ASB3: variants seen among roughly 807,000 people sequenced by gnomAD.
ASB3 encodes ankyrin repeat and SOCS box protein 3.
In ASB3, 41 loss-of-function variants were observed where a neutral mutation model predicts 54.5. The observed-to-expected ratio is 0.75, with a 90% confidence interval of 0.59 to 0.98. The LOEUF is 0.98. Ranked by LOEUF, ASB3 falls within the 50% of genes least tolerant of loss-of-function variation. ASB3 has a pLI of 0.00. For missense variants in ASB3, 733 were observed against 620.0 expected (o/e 1.18, Z -1.94); for synonymous variants, 266 against 221.2 (o/e 1.20, Z -1.80).
chr2:53,692,468 T>A (rs1347139877), intron 9 of ASB3, among the ~76,000 whole-genome samples: 1 of 152,112 alleles, frequency 6.6e-6, no homozygotes, highest in East Asian at 1.9e-4. Flanking sequence ...GAGAAAGGTT[T>A]TCTTGAATCT....
chr2:53,695,039 GA>G (rs537051150), intron 8 of ASB3, among the ~76,000 whole-genome samples: 1 of 151,740 alleles, frequency 6.6e-6, no homozygotes, highest in South Asian at 2.1e-4. Context: ...AATGGTTGGA[GA>G]AAAAAAAGTC....
At position 53,736,156 on chromosome 2, in the gene ASB3, T is replaced by C. The variant is rs533611838; in HGVS notation, c.356-6586A>G. Among the ~76,000 whole-genome samples the C allele has an allele frequency of 7.9e-5, 12 of 152,246 alleles. No homozygotes were observed. The East Asian group carries it at 2.3e-3, about 29-fold the overall frequency. On this transcript the variant is annotated intron_variant, in intron 3 of 9. Coordinates refer to ENST00000263634, the MANE Select transcript of ASB3 (RefSeq NM_016115.5). ...CTCCTTAAATCAATAAAAAGATAAA[T>C]TATTTTTAAAACATGAGAAAATTTG...
intron 9 of ASB3, among the ~76,000 whole-genome samples, chr2:53,678,784 T>C (rs1668217053): frequency 6.6e-6 from 1 of 152,204 alleles, no homozygotes; most frequent in African/African-American, 2.4e-5. Flanking sequence ...AAAAGCCTGA[T>C]TCTTGCAAGG....
intron 7 of ASB3, among the ~76,000 whole-genome samples, chr2:53,712,229 A>T (rs1670139798): frequency 1.3e-5 from 2 of 151,494 alleles, no homozygotes; most frequent in South Asian, 2.1e-4. Flanking sequence ...AAAAAAAAAA[A>T]TACATTAAAA....
intron 7 of ASB3, among the ~76,000 whole-genome samples, chr2:53,704,818 A>G (rs1170997573): frequency 1.3e-5 from 2 of 152,192 alleles, no homozygotes; most frequent in African/African-American, 4.8e-5. Context: ...AAGATTCTGC[A>G]TTTTATCAAG....
intron 3 of ASB3, among the ~76,000 whole-genome samples, chr2:53,738,490 A>G (rs1368421627): frequency 6.6e-6 from 1 of 152,234 alleles, no homozygotes; most frequent in Non-Finnish European, 1.5e-5. Flanking sequence ...CAAACCAGAC[A>G]AACTTCAAGT....
intron 5 of ASB3, among the ~76,000 whole-genome samples, chr2:53,720,944 C>G (rs903458282): frequency 6.6e-6 from 1 of 151,826 alleles, no homozygotes; most frequent in African/African-American, 2.4e-5. Flanking sequence ...CGATGAAACC[C>G]CATCTCTACT....
At position 53,670,326 on chromosome 2, in the gene ASB3, AG is replaced by A; in HGVS notation, c.*176del. The A allele has an allele frequency of 3.6e-6, 1 of 281,138 alleles. No homozygotes were observed. The highest frequency in any genetic ancestry group is 6.2e-6 in the Non-Finnish European group (1 of 161,998). 17.4% of individuals were successfully genotyped at this position (281,138 alleles called of 1,614,324 possible). A position where few individuals can be genotyped will look rare whatever the true frequency, so the allele number is the denominator to read the frequency against. ...TTTTTTTTTTTTTTTTTTACTGGGA[AG>A]GCTAGTTGTAAACATAAACATTCTC... On this transcript the variant is annotated 3_prime_UTR_variant, in exon 10 of 10. Coordinates refer to ENST00000263634, the MANE Select transcript of ASB3 (RefSeq NM_016115.5).
chr2:53,713,924 A>T (rs537045538), intron 7 of ASB3, among the ~76,000 whole-genome samples: 16 of 151,930 alleles, frequency 1.1e-4, no homozygotes, highest in East Asian at 3.9e-4. Flanking sequence ...AAAAAAAAAA[A>T]TTTTTTTTAA....
intron 3 of ASB3, among the ~76,000 whole-genome samples, chr2:53,732,205 T>A (rs1026758357): frequency 2.9e-5 from 4 of 140,194 alleles, no homozygotes; most frequent in Admixed American, 2.8e-4. Context: ...GTGATCCACC[T>A]CCGCCTCAGC....
At chr2:53,766,707 C>G (rs961452823) in intron 1 of ASB3, among the ~76,000 whole-genome samples, 1 of 151,782 alleles carries the variant, frequency 6.6e-6, no homozygotes, top group Non-Finnish European at 1.5e-5. Flanking sequence ...TCTGTGTATT[C>G]AAAATTTTTC....
At chr2:53,678,555 T>C (rs1342086946) in intron 9 of ASB3, among the ~76,000 whole-genome samples, 2 of 152,204 alleles carry the variant, frequency 1.3e-5, no homozygotes, top group South Asian at 2.1e-4. Flanking sequence ...CAATCACATA[T>C]GAACAAAAAT....
chr2:53,678,653 A>C (rs1186950412), intron 9 of ASB3, among the ~76,000 whole-genome samples: 1 of 152,200 alleles, frequency 6.6e-6, no homozygotes, highest in Non-Finnish European at 1.5e-5. Flanking sequence ...ACGGATATGT[A>C]GGTACAAGGC....
intron 9 of ASB3, among the ~76,000 whole-genome samples, chr2:53,683,052 C>A (rs961014364): frequency 6.6e-5 from 10 of 152,122 alleles, no homozygotes; most frequent in African/African-American, 2.2e-4. Context: ...TTGTCATGTT[C>A]CAGATCTTAG....
intron 5 of ASB3, among the ~76,000 whole-genome samples, chr2:53,719,032 T>G (rs1485568737): frequency 2.0e-5 from 3 of 152,194 alleles, no homozygotes; most frequent in Admixed American, 6.5e-5. Flanking sequence ...GCAATTCTCC[T>G]GCCTCAGCCT....
chr2:53,685,109 TC>T (rs1345130730), intron 9 of ASB3, among the ~76,000 whole-genome samples: 1 of 152,218 alleles, frequency 6.6e-6, no homozygotes, highest in Non-Finnish European at 1.5e-5. Flanking sequence ...CTAGAGTTTG[TC>T]CTTTACTCTG....
intron 1 of ASB3, among the ~76,000 whole-genome samples, chr2:53,776,398 C>T (rs188214078): frequency 2.6e-5 from 4 of 152,180 alleles, no homozygotes; most frequent in African/African-American, 4.8e-5. Context: ...CATCACATCA[C>T]GCTAAAAGTT....
At chr2:53,729,355 T>C (rs767257466) in intron 4 of ASB3, 103 bp downstream of exon 4, 2 of 1,138,866 alleles carry the variant, frequency 1.8e-6, no homozygotes, top group African/African-American at 1.6e-5. Context: ...CTAACCATCA[T>C]AAATCACAGG....
intron 2 of ASB3, 38 bp from the exon 3 acceptor site, chr2:53,750,979 A>G: frequency 7.0e-7 from 1 of 1,432,514 alleles, no homozygotes; most frequent in Non-Finnish European, 9.2e-7. Context: ...AGAAGGTATT[A>G]CTTCTATTTC....
Sources: gnomAD v4.1 joint callset for allele counts (sites outside exome capture counted in the v4.1 genomes callset) on GRCh38, gnomAD v4.1.1 for gene constraint, MANE v1.5 for transcripts, NCBI Gene and HGNC (gene_info 2026-07-23, HGNC 2026-07-21) for gene names.